Variants in CLSTN2 observed in about 807,000 individuals in gnomAD.
CLSTN2 encodes the protein calsyntenin 2, also known as calsyntenin-2.
CLSTN2 carries 48 observed loss-of-function variants against 101.2 expected under a neutral mutation model. The ratio of observed to expected loss-of-function variants is 0.47; its 90% CI spans 0.38 to 0.60. The LOEUF (loss-of-function observed/expected upper bound fraction) is 0.60. Ranked by LOEUF, CLSTN2 falls within the 20% of genes least tolerant of loss-of-function variation. The probability of loss-of-function intolerance (pLI) is 0.00; values close to 1 mark genes in which losing one functional copy is unlikely to be tolerated. For missense variants in CLSTN2, 1,160 were observed against 1,238.2 expected (o/e 0.94, Z 0.95); for synonymous variants, 481 against 463.6 (o/e 1.04, Z -0.48).
At chr3:140,422,323 CTT>C (rs1279505536) in intron 5 of CLSTN2, among the ~76,000 whole-genome samples, 1 of 152,108 alleles carries the variant, frequency 6.6e-6, no homozygotes, top group Non-Finnish European at 1.5e-5. Flanking sequence ...TCTGGTCAGT[CTT>C]TGAATGACTG....
At chr3:140,058,837 G>A (rs547598958) in intron 1 of CLSTN2, among the ~76,000 whole-genome samples, 25 of 152,182 alleles carry the variant, frequency 1.6e-4, no homozygotes, top group Non-Finnish European at 3.1e-4. Context: ...GAGGGGGTAG[G>A]TGGGAATTGG....
chr3:140,018,479 C>T (rs1430543821), intron 1 of CLSTN2, among the ~76,000 whole-genome samples: 1 of 152,186 alleles, frequency 6.6e-6, no homozygotes, highest in East Asian at 1.9e-4. Context: ...TCTAGGACTG[C>T]AGCCTGCTGC....
At chr3:139,969,378 C>G (rs563839418) in intron 1 of CLSTN2, among the ~76,000 whole-genome samples, 2 of 152,282 alleles carry the variant, frequency 1.3e-5, no homozygotes, top group African/African-American at 2.4e-5. Flanking sequence ...TCTCCTATAC[C>G]AGTTAATCTG....
At chr3:140,318,651 C>T (rs2087253137) in intron 2 of CLSTN2, among the ~76,000 whole-genome samples, 1 of 152,108 alleles carries the variant, frequency 6.6e-6, no homozygotes, top group South Asian at 2.1e-4. Context: ...ATAAATGTCT[C>T]CAAATGCTAG....
intron 1 of CLSTN2, among the ~76,000 whole-genome samples, chr3:140,055,888 A>G (rs556690205): frequency 1.3e-5 from 2 of 152,188 alleles, no homozygotes; most frequent in Admixed American, 6.5e-5. Flanking sequence ...GTGGGAATAT[A>G]AGATGCATCT....
intron 2 of CLSTN2, among the ~76,000 whole-genome samples, chr3:140,202,235 A>G (rs1427204467): frequency 6.6e-6 from 1 of 152,236 alleles, no homozygotes; most frequent in Non-Finnish European, 1.5e-5. Flanking sequence ...AAGAGGTTAC[A>G]GGGCTCAAGA....
intron 1 of CLSTN2, among the ~76,000 whole-genome samples, chr3:140,162,368 G>C (rs1423874724): frequency 6.6e-6 from 1 of 152,142 alleles, no homozygotes; most frequent in Non-Finnish European, 1.5e-5. Context: ...TACTTGCTAT[G>C]CTAGAGATAA....
intron 2 of CLSTN2, among the ~76,000 whole-genome samples, chr3:140,244,872 T>A (rs2086501588): frequency 6.6e-6 from 1 of 152,230 alleles, no homozygotes; most frequent in Non-Finnish European, 1.5e-5. Flanking sequence ...TTATATATAT[T>A]TTTAAAGTTC....
At chr3:140,227,915 A>G (rs1449746619) in intron 2 of CLSTN2, among the ~76,000 whole-genome samples, 2 of 152,128 alleles carry the variant, frequency 1.3e-5, no homozygotes, top group East Asian at 3.9e-4. Flanking sequence ...CAGCATAGGT[A>G]CCCTGGGCCT....
At chr3:140,462,823 T>C (rs1288555559) in intron 7 of CLSTN2, 2 of 152,238 alleles carry the variant, frequency 1.3e-5, no homozygotes, top group Non-Finnish European at 2.9e-5. Flanking sequence ...CATCTGCTGC[T>C]GCCATTTTCA....
intron 2 of CLSTN2, among the ~76,000 whole-genome samples, chr3:140,224,310 T>C (rs950819646): frequency 8.5e-5 from 13 of 152,210 alleles, no homozygotes; most frequent in African/African-American, 2.7e-4. Flanking sequence ...TGGGATCATT[T>C]TGAAAGTCAA....
intron 2 of CLSTN2, among the ~76,000 whole-genome samples, chr3:140,230,209 G>T (rs1033734813): frequency 1.3e-5 from 2 of 152,126 alleles, no homozygotes; most frequent in Non-Finnish European, 2.9e-5. Context: ...TGATGTATGG[G>T]ACATTACATA....
intron 1 of CLSTN2, among the ~76,000 whole-genome samples, chr3:140,034,199 T>C (rs1462828198): frequency 6.6e-6 from 1 of 152,198 alleles, no homozygotes; most frequent in Admixed American, 6.5e-5. Context: ...AGTAATTTTC[T>C]TGGTGACAGC....
intron 1 of CLSTN2, among the ~76,000 whole-genome samples, chr3:140,088,988 A>T (rs967366678): frequency 1.3e-5 from 2 of 151,456 alleles, no homozygotes; most frequent in Admixed American, 6.7e-5. Flanking sequence ...ATGCATGTAA[A>T]AAAATTTAAA....
chr3:140,197,111 C>T (rs762236452), intron 2 of CLSTN2, among the ~76,000 whole-genome samples: 1 of 152,196 alleles, frequency 6.6e-6, no homozygotes, highest in Non-Finnish European at 1.5e-5. Flanking sequence ...ACAACCCTGC[C>T]TGGCTTGCAA....
At chr3:140,187,761 C>A (rs181957528) in intron 2 of CLSTN2, among the ~76,000 whole-genome samples, 23 of 152,310 alleles carry the variant, frequency 1.5e-4, no homozygotes, top group Non-Finnish European at 7.3e-5. Context: ...CTCCTCCTCT[C>A]ATGCCCACAT....
At chr3:140,347,162 A>T (rs1384669285) in intron 2 of CLSTN2, among the ~76,000 whole-genome samples, 1 of 152,208 alleles carries the variant, frequency 6.6e-6, no homozygotes, top group African/African-American at 2.4e-5. Flanking sequence ...TTCTCAATAA[A>T]CACCACTGAC....
chr3:140,448,750 T>G, intron 6 of CLSTN2, 46 bp downstream of exon 6: 1 of 1,501,526 alleles, frequency 6.7e-7, no homozygotes, highest in Non-Finnish European at 9.2e-7. Flanking sequence ...TGCTTTTAAA[T>G]GATGTATACC....
chr3:140,562,733 C>A, intron 13 of CLSTN2, 78 bp from the exon 14 acceptor site: 2 of 1,500,496 alleles, frequency 1.3e-6, no homozygotes, highest in Non-Finnish European at 9.1e-7. Context: ...TCTTGTACCA[C>A]AAGCCCTGGC....
Sources: gnomAD v4.1 joint callset for allele counts (sites outside exome capture counted in the v4.1 genomes callset) on GRCh38, gnomAD v4.1.1 for gene constraint, MANE v1.5 for transcripts, NCBI Gene and HGNC (gene_info 2026-07-23, HGNC 2026-07-21) for gene names.